RBFOX1: variants seen among roughly 807,000 people sequenced by gnomAD.
RBFOX1 encodes RNA binding fox-1 homolog 1.
In RBFOX1, 8 loss-of-function variants were observed where a neutral mutation model predicts 57.7. The observed-to-expected ratio is 0.14, with a 90% CI of 0.08 to 0.25. The LOEUF is 0.25. RBFOX1 is among the 10% of genes least tolerant of loss of function. RBFOX1 has a pLI of 1.00. For synonymous variants in RBFOX1, 326 were observed against 222.4 expected (o/e 1.47, Z -4.15); for missense variants, 611 against 548.5 (o/e 1.11, Z -1.14).
intron 10 of RBFOX1, among the ~76,000 whole-genome samples, chr16:7,617,732 C>G (rs1596577235): frequency 6.6e-6 from 1 of 152,268 alleles, no homozygotes; most frequent in South Asian, 2.1e-4. Flanking sequence ...CCAAAACAGA[C>G]CCAGGCTTTC....
At chr16:7,412,388 C>A (rs1481608864) in intron 4 of RBFOX1, among the ~76,000 whole-genome samples, 1 of 137,262 alleles carries the variant, frequency 7.3e-6, no homozygotes, top group Admixed American at 7.9e-5. Context: ...GCACTCCAGG[C>A]TGGGCAACAG....
At chr16:6,663,241 A>T (rs1369315446) in intron 3 of RBFOX1, among the ~76,000 whole-genome samples, 1 of 152,144 alleles carries the variant, frequency 6.6e-6, no homozygotes, top group Non-Finnish European at 1.5e-5. Context: ...GGGTGTCATG[A>T]ATGTCTCCAC....
chr16:6,939,422 T>C (rs2077949937), intron 3 of RBFOX1, among the ~76,000 whole-genome samples: 1 of 152,008 alleles, frequency 6.6e-6, no homozygotes, highest in Non-Finnish European at 1.5e-5. Flanking sequence ...TATGTAGCTA[T>C]ATATAGTAGA....
At chr16:5,742,844 G>C (rs34891933) in intron 3 of RBFOX1, among the ~76,000 whole-genome samples, 2 of 152,202 alleles carry the variant, frequency 1.3e-5, no homozygotes, top group Non-Finnish European at 1.5e-5. Flanking sequence ...GGGGCTAAGA[G>C]CTAGCTTGAA....
At chr16:7,104,958 C>T (rs1464547253) in intron 4 of RBFOX1, among the ~76,000 whole-genome samples, 1 of 149,140 alleles carries the variant, frequency 6.7e-6, no homozygotes. Context: ...TGTGCACGTG[C>T]TTCTGTGCTT....
chr16:6,752,830 T>A (rs76302664), intron 3 of RBFOX1, among the ~76,000 whole-genome samples: 3 of 138,198 alleles, frequency 2.2e-5, no homozygotes, highest in Non-Finnish European at 3.2e-5. Context: ...TTTTTTTTTT[T>A]AGCAGGGTTC....
intron 9 of RBFOX1, 52 bp downstream of exon 9, chr16:7,597,483 A>G (rs1568015936): frequency 6.9e-7 from 1 of 1,459,494 alleles, no homozygotes; most frequent in Non-Finnish European, 9.5e-7. Context: ...CTGACTCTTT[A>G]AGTAATTTAA....
At chr16:6,595,029 C>T (rs2097763226) in intron 2 of RBFOX1, among the ~76,000 whole-genome samples, 2 of 152,118 alleles carry the variant, frequency 1.3e-5, no homozygotes, top group Admixed American at 6.5e-5. Context: ...GCTCGTTATC[C>T]ACCCGCCTCT....
chr16:5,553,962 C>T (rs1361536909), intron 2 of RBFOX1, among the ~76,000 whole-genome samples: 1 of 133,924 alleles, frequency 7.5e-6, no homozygotes, highest in East Asian at 2.6e-4. Flanking sequence ...TTTCTTATAA[C>T]ACGTATTCTT....
intron 12 of RBFOX1, among the ~76,000 whole-genome samples, chr16:7,656,031 A>C (rs1459404328): frequency 6.6e-6 from 1 of 152,196 alleles, no homozygotes; most frequent in Non-Finnish European, 1.5e-5. Flanking sequence ...ATGAAAATTA[A>C]TTTTAATATT....
At chr16:6,440,944 C>T (rs1288150134) in intron 2 of RBFOX1, among the ~76,000 whole-genome samples, 1 of 151,968 alleles carries the variant, frequency 6.6e-6, no homozygotes, top group African/African-American at 2.4e-5. Flanking sequence ...ATATTCAGAG[C>T]TGGAGAGAGG....
intron 4 of RBFOX1, among the ~76,000 whole-genome samples, chr16:7,383,009 G>A (rs1459952960): frequency 6.6e-6 from 1 of 152,078 alleles, no homozygotes; most frequent in Non-Finnish European, 1.5e-5. Context: ...TTGACATATG[G>A]TAAGCAAGGC....
intron 3 of RBFOX1, among the ~76,000 whole-genome samples, chr16:6,727,106 A>G (rs896740969): frequency 6.0e-4 from 28 of 46,502 alleles, no homozygotes; most frequent in African/African-American, 1.3e-3. Context: ...AGACACACAT[A>G]AATATATGTG....
chr16:5,983,827 G>A (rs28496724), intron 4 of RBFOX1, among the ~76,000 whole-genome samples: 52,161 of 148,192 alleles, frequency 0.35, 9,553 homozygotes, highest in East Asian at 0.56. Flanking sequence ...CTGTTCAGGC[G>A]TTCTTCCCTC....
At chr16:6,615,583 A>T (rs972188638) in intron 2 of RBFOX1, among the ~76,000 whole-genome samples, 31 of 151,416 alleles carry the variant, frequency 2.0e-4, no homozygotes, top group Non-Finnish European at 4.3e-4. Flanking sequence ...AAAAAAAAAA[A>T]TCCTCTGTCC....
At chr16:6,797,944 AGAT>A (rs987376655) in intron 3 of RBFOX1, among the ~76,000 whole-genome samples, 2 of 151,960 alleles carry the variant, frequency 1.3e-5, no homozygotes, top group Non-Finnish European at 2.9e-5. Flanking sequence ...TTTGAAATGG[AGAT>A]GATGATGATG....
intron 3 of RBFOX1, among the ~76,000 whole-genome samples, chr16:7,011,295 T>C (rs1316522945): frequency 6.6e-6 from 1 of 152,176 alleles, no homozygotes; most frequent in African/African-American, 2.4e-5. Context: ...CAAGATGCTA[T>C]CATCATTTTC....
chr16:6,384,375 T>G (rs922443890), intron 2 of RBFOX1, among the ~76,000 whole-genome samples: 1 of 152,172 alleles, frequency 6.6e-6, no homozygotes, highest in African/African-American at 2.4e-5. Context: ...CTGCCCCCTG[T>G]TTTGCATTTC....
chr16:7,122,791 C>T (rs1487576783), intron 4 of RBFOX1, among the ~76,000 whole-genome samples: 1 of 152,018 alleles, frequency 6.6e-6, no homozygotes, highest in Non-Finnish European at 1.5e-5. Context: ...TACCATAGCC[C>T]CCTAGAAACA....
Sources: allele counts gnomAD v4.1 joint callset (sites outside exome capture counted in the v4.1 genomes callset), GRCh38; gene constraint gnomAD v4.1.1; transcripts MANE v1.5; gene names NCBI Gene and HGNC (gene_info 2026-07-23, HGNC 2026-07-21).